Variants in DGKI observed in about 807,000 individuals in gnomAD.
The protein encoded by DGKI is diacylglycerol kinase iota.
A neutral mutation model predicts 147.5 loss-of-function variants in DGKI; 55 were observed. That is an observed-to-expected ratio of 0.37 (90% confidence interval 0.30 to 0.47). DGKI has a LOEUF of 0.47. Among genes scored for constraint, DGKI ranks in the 20% least tolerant of loss-of-function variants. The pLI, the probability that DGKI is intolerant of heterozygous loss-of-function variation, is 1.00. For synonymous variants in DGKI, 469 were observed against 477.1 expected (o/e 0.98, Z 0.22); for missense variants, 1,007 against 1,323.8 (o/e 0.76, Z 3.71).
chr7:137,639,187 G>C (rs966994598), intron 6 of DGKI, among the ~76,000 whole-genome samples: 1 of 152,138 alleles, frequency 6.6e-6, no homozygotes, highest in Non-Finnish European at 1.5e-5. Context: ...TTCAGCAACA[G>C]AGAGAGCAAA....
At chr7:137,485,276 G>T in intron 23 of DGKI, 98 bp downstream of exon 23, 1 of 908,126 alleles carries the variant, frequency 1.1e-6, no homozygotes, top group Non-Finnish European at 1.7e-6. Context: ...TCTATCCCTA[G>T]GGAAGATGTG....
intron 1 of DGKI, among the ~76,000 whole-genome samples, chr7:137,769,287 C>T (rs1446057016): frequency 1.3e-5 from 2 of 152,078 alleles, no homozygotes; most frequent in Non-Finnish European, 2.9e-5. Flanking sequence ...GAGTTTGGTA[C>T]CAAATGTCCC....
intron 3 of DGKI, among the ~76,000 whole-genome samples, chr7:137,658,092 CA>C (rs1327201028): frequency 6.6e-6 from 1 of 152,040 alleles, no homozygotes; most frequent in Non-Finnish European, 1.5e-5. Context: ...TGCTTTTGCA[CA>C]TAACAATGAT....
chr7:137,812,385 C>T (rs545868844), intron 1 of DGKI, among the ~76,000 whole-genome samples: 3 of 152,136 alleles, frequency 2.0e-5, no homozygotes, highest in Non-Finnish European at 4.4e-5. Context: ...GGTTCTATAT[C>T]CTATAAAGAC....
chr7:137,696,672 T>C (rs1357234839), intron 1 of DGKI, among the ~76,000 whole-genome samples: 1 of 152,032 alleles, frequency 6.6e-6, no homozygotes, highest in Non-Finnish European at 1.5e-5. Flanking sequence ...GTTAATGACA[T>C]TCTTCTCCTT....
At chr7:137,651,613 T>C (rs1007757248) in intron 5 of DGKI, among the ~76,000 whole-genome samples, 2 of 152,188 alleles carry the variant, frequency 1.3e-5, no homozygotes, top group Admixed American at 1.3e-4. Flanking sequence ...TTAGGAGTTG[T>C]CAGCCCACAT....
intron 12 of DGKI, among the ~76,000 whole-genome samples, chr7:137,591,444 A>C (rs990029463): frequency 6.6e-6 from 1 of 152,162 alleles, no homozygotes; most frequent in Non-Finnish European, 1.5e-5. Context: ...TCTCTGGCTG[A>C]GGTGGGTCTA....
chr7:137,560,568 C>T (rs961850541), intron 19 of DGKI, among the ~76,000 whole-genome samples: 2 of 148,566 alleles, frequency 1.3e-5, no homozygotes, highest in African/African-American at 2.6e-5. Context: ...ACCACACAAA[C>T]CTCATGGAGC....
chr7:137,781,254 G>A (rs575810146), intron 1 of DGKI, among the ~76,000 whole-genome samples: 8 of 152,264 alleles, frequency 5.3e-5, no homozygotes, highest in East Asian at 1.9e-4. Context: ...CCTAAGGGTC[G>A]GGAAAGGTGT....
At chr7:137,450,849 G>T (rs1813925477) in intron 27 of DGKI, among the ~76,000 whole-genome samples, 1 of 151,196 alleles carries the variant, frequency 6.6e-6, no homozygotes. Context: ...CTGAATATTT[G>T]CTGGTGAAAG....
intron 1 of DGKI, among the ~76,000 whole-genome samples, chr7:137,732,817 A>G (rs185808394): frequency 6.6e-6 from 1 of 151,952 alleles, no homozygotes; most frequent in African/African-American, 2.4e-5. Flanking sequence ...AGTCTCCACA[A>G]CACACATACA....
intron 29 of DGKI, among the ~76,000 whole-genome samples, chr7:137,411,531 A>C (rs1812163416): frequency 6.6e-6 from 1 of 152,138 alleles, no homozygotes; most frequent in Admixed American, 6.5e-5. Context: ...CTGATGAAAA[A>C]ACTAAGGCAC....
rs562087284 is a variant in DGKI at position 137,426,134 on chromosome 7, A to G, written c.2762-13927T>C. Reference sequence around the variant, plus strand: ...AAGTTGAAATGAAGGAAAAAATGTTAAGGGCAGCCAGAGAGGCAGGTTGGG... The same window carrying G: ...AAGTTGAAATGAAGGAAAAAATGTTGAGGGCAGCCAGAGAGGCAGGTTGGG... On this transcript the variant is annotated intron_variant, in intron 28 of 32. Coordinates refer to ENST00000614521, the MANE Select transcript of DGKI (RefSeq NM_001321708.2). Among the ~76,000 whole-genome samples, 4 of 152,328 alleles carry G rather than the reference A, an allele frequency of 2.6e-5. No homozygotes were observed. In the East Asian group the frequency reaches 7.7e-4, roughly 29 times the overall value.
chr7:137,548,374 G>A (rs925529589), intron 20 of DGKI, among the ~76,000 whole-genome samples: 1 of 152,148 alleles, frequency 6.6e-6, no homozygotes. Context: ...GTTGTATGTG[G>A]GGCCTGGTCA....
At chr7:137,809,488 G>A (rs999627952) in intron 1 of DGKI, among the ~76,000 whole-genome samples, 1 of 152,142 alleles carries the variant, frequency 6.6e-6, no homozygotes, top group African/African-American at 2.4e-5. Context: ...GCAGTCTCGG[G>A]CTGTCCTAAC....
rs540888512 is a variant in DGKI at position 137,426,732 on chromosome 7, A to C, written c.2762-14525T>G. 1.8e-3 allele frequency among the ~76,000 whole-genome samples: 268 copies of C among 151,724 alleles called. 1 individual carries two copies. Among genetic ancestry groups the C allele is most frequent in the Middle Eastern group, 6.8e-3 (2 of 294 alleles). ...CTACCAAGCAAATGGAAAACAAAAA[A>C]AGGCAGGGGTTGCAATCCTAGTCTC... On this transcript the variant is annotated intron_variant, in intron 28 of 32. Transcript: ENST00000614521.
At chr7:137,444,577 T>C (rs1813640236) in intron 27 of DGKI, among the ~76,000 whole-genome samples, 1 of 152,216 alleles carries the variant, frequency 6.6e-6, no homozygotes, top group African/African-American at 2.4e-5. Flanking sequence ...TTGTTTTCAC[T>C]CTTCATGGAA....
In DGKI at chr7:137,452,614, T is replaced by C. The variant is rs373363104; in HGVS notation, c.2736-8512A>G. Among the ~76,000 whole-genome samples, 4 of 152,202 alleles carry C rather than the reference T, an allele frequency of 2.6e-5. No individual in the cohort carries two copies. The East Asian group carries it at 7.7e-4, about 29-fold the overall frequency. Reference sequence around the variant, plus strand: ...ATGCCTGTCTTTCCTCTTTACTGTCTAGCTTTGGGGATGAGAACCACAGCA... The same window carrying C: ...ATGCCTGTCTTTCCTCTTTACTGTCCAGCTTTGGGGATGAGAACCACAGCA... On this transcript the variant is annotated intron_variant, in intron 27 of 32. Coordinates refer to ENST00000614521, the MANE Select transcript of DGKI (RefSeq NM_001321708.2).
In DGKI at chr7:137,549,284, A is replaced by G. The variant is rs573930580; in HGVS notation, c.2147+3085T>C. 2.0e-5 allele frequency among the ~76,000 whole-genome samples: 3 copies of G among 152,350 alleles called. No individual in the cohort carries two copies. The South Asian group carries it at 6.2e-4, about 32-fold the overall frequency. The stretch of plus-strand genomic sequence containing the variant: ...GGTATGAGTCTTCAATTTTTAGAAG[A>G]AAATTCTGGGCTGAAGACACAGATC... On this transcript the variant is annotated intron_variant, in intron 20 of 32. Coordinates refer to ENST00000614521, the MANE Select transcript of DGKI (RefSeq NM_001321708.2).
Sources: gnomAD v4.1 joint callset for allele counts (sites outside exome capture counted in the v4.1 genomes callset) on GRCh38, gnomAD v4.1.1 for gene constraint, MANE v1.5 for transcripts, NCBI Gene and HGNC (gene_info 2026-07-23, HGNC 2026-07-21) for gene names.